The following PLXNC1 variants were observed in gnomAD, a reference collection of about 807,000 sequenced individuals.
The protein encoded by PLXNC1 is plexin C1.
PLXNC1 carries 75 observed loss-of-function variants against 178.2 expected under a neutral mutation model. The ratio of observed to expected loss-of-function variants is 0.42; its 90% CI spans 0.35 to 0.51. The LOEUF is 0.51. Ranked by LOEUF, PLXNC1 falls within the 20% of genes least tolerant of loss-of-function variation. The pLI is 0.02. For synonymous variants in PLXNC1, 790 were observed against 779.9 expected, an observed-to-expected ratio of 1.01 and a Z score of -0.22; for missense variants, 1,503 against 1,984.4, an observed-to-expected ratio of 0.76 and a Z score of 4.61.
At chr12:94,255,374 G>A (rs1964811627) in intron 17 of PLXNC1, 78 bp downstream of exon 17, 2 of 1,001,180 alleles carry the variant, frequency 2.0e-6, no homozygotes, top group South Asian at 2.6e-5. Context: ...GTCAAAACGA[G>A]TGTTTGCTTC....
At chr12:94,174,734 G>C (rs1381377754) in intron 2 of PLXNC1, among the ~76,000 whole-genome samples, 1 of 152,232 alleles carries the variant, frequency 6.6e-6, no homozygotes, top group East Asian at 1.9e-4. Context: ...CGGAAGTGGT[G>C]GTGGTGGTGG....
At chr12:94,209,855 G>A (rs1041305953) in intron 5 of PLXNC1, 151 bp downstream of exon 5, 13 of 571,734 alleles carry the variant, frequency 2.3e-5, no homozygotes, top group African/African-American at 1.5e-4. Flanking sequence ...CGAATATTGA[G>A]TGCCCACCAG....
Position 94,227,236 on chromosome 12 carries a change from G to T in PLXNC1, c.1980+1G>T. 1 of 1,591,396 alleles carries T rather than the reference G, an allele frequency of 6.3e-7. No homozygotes were observed. The highest frequency in any genetic ancestry group is 8.6e-7 in the Non-Finnish European group (1 of 1,159,534). On this transcript the variant is annotated splice_donor_variant, in intron 9 of 30. Coordinates refer to ENST00000258526, the MANE Select transcript of PLXNC1 (RefSeq NM_005761.3). LOFTEE classifies it high-confidence loss of function. ...GAACAGAACCAACCAGGCTTTACAG[G>T]TCAGACCCTATTTTTGTGTGGTTGA...
chr12:94,214,180 G>T (rs1397146498), intron 5 of PLXNC1, among the ~76,000 whole-genome samples: 1 of 151,814 alleles, frequency 6.6e-6, no homozygotes, highest in Admixed American at 6.6e-5. Context: ...GAACCCCTGG[G>T]CTCAAAGGAT....
intron 21 of PLXNC1, among the ~76,000 whole-genome samples, chr12:94,266,712 A>G (rs1965264957): frequency 6.6e-6 from 1 of 152,182 alleles, no homozygotes; most frequent in Admixed American, 6.5e-5. Context: ...TTCTCCTCAC[A>G]TGTGAAATGG....
chr12:94,171,492 T>G (rs1961843107), intron 2 of PLXNC1, among the ~76,000 whole-genome samples: 1 of 152,120 alleles, frequency 6.6e-6, no homozygotes, highest in South Asian at 2.1e-4. Flanking sequence ...GATGAGGGAA[T>G]CGAGGCCCAG....
At chr12:94,268,900 T>C (rs928629366) in intron 21 of PLXNC1, among the ~76,000 whole-genome samples, 1 of 152,142 alleles carries the variant, frequency 6.6e-6, no homozygotes, top group Non-Finnish European at 1.5e-5. Flanking sequence ...CGGCCGATAA[T>C]AAGACCTATT....
At chr12:94,206,396 G>T (rs1963299921) in intron 4 of PLXNC1, among the ~76,000 whole-genome samples, 1 of 151,840 alleles carries the variant, frequency 6.6e-6, no homozygotes, top group Non-Finnish European at 1.5e-5. Context: ...AACAAGAACA[G>T]CTTTCTTAAA....
chr12:94,166,111 T>C (rs1450887346), intron 1 of PLXNC1, among the ~76,000 whole-genome samples: 3 of 152,100 alleles, frequency 2.0e-5, no homozygotes, highest in African/African-American at 7.2e-5. Flanking sequence ...CTTGGGTTCA[T>C]TGCTGTCTGA....
chr12:94,272,751 C>T lies in PLXNC1; in HGVS notation c.3598-6721C>T, dbSNP rs981523281. On this transcript the variant is annotated intron_variant, in intron 21 of 30. Coordinates refer to ENST00000258526, the MANE Select transcript of PLXNC1 (RefSeq NM_005761.3). ...CAGCAGCAGAGGCTGGGAAATGTCACCTTTATTCTGGGTGAACAGAAGCTC... is the reference window on the plus strand; with the variant it reads ...CAGCAGCAGAGGCTGGGAAATGTCATCTTTATTCTGGGTGAACAGAAGCTC... Among the ~76,000 whole-genome samples, 7 of 152,214 alleles carry T rather than the reference C, an allele frequency of 4.6e-5. 1 individual carries two copies. The highest frequency in any genetic ancestry group is 7.2e-5 in the African/African-American group (3 of 41,450).
chr12:94,300,399 A>C (rs1013777966), intron 27 of PLXNC1, among the ~76,000 whole-genome samples: 8 of 152,166 alleles, frequency 5.3e-5, no homozygotes, highest in African/African-American at 1.9e-4. Context: ...ACAAGTTGTG[A>C]GGCACGTGCT....
At chr12:94,284,316 T>C (rs146315876) in intron 23 of PLXNC1, among the ~76,000 whole-genome samples, 1 of 152,246 alleles carries the variant, frequency 6.6e-6, no homozygotes, top group East Asian at 1.9e-4. Context: ...GGGCTGTTGT[T>C]GTCTTTGTTT....
Position 94,224,315 on chromosome 12 carries a change from A to G in PLXNC1, c.1790A>G (p.Glu597Gly). 1 of 1,447,458 alleles carries G rather than the reference A, an allele frequency of 6.9e-7. No homozygotes were observed. Among genetic ancestry groups the G allele is most frequent in the South Asian group, 1.1e-5 (1 of 87,546 alleles). 89.7% of individuals were successfully genotyped at this position (1,447,458 alleles called of 1,614,324 possible). A position where few individuals can be genotyped will look rare whatever the true frequency, so the allele number is the denominator to read the frequency against. ...FNFTNCSSLK[E>G]CPACVETGCA... is the part of the protein sequence containing the mutation. ...TTTACCAACTGCTCATCATTAAAAG[A>G]GTAAGATTTTATTTGAAATTTGAAT... Residue 597 changes from glutamate to glycine, a missense_variant and splice_region_variant, in exon 7 of 31, where the codon GAA (glutamate) becomes GGA (glycine). Coordinates refer to ENST00000258526, the MANE Select transcript of PLXNC1 (RefSeq NM_005761.3).
intron 4 of PLXNC1, among the ~76,000 whole-genome samples, chr12:94,201,969 G>C (rs1444909271): frequency 3.3e-5 from 5 of 151,678 alleles, no homozygotes; most frequent in African/African-American, 1.2e-4. Flanking sequence ...GGTTTCACCA[G>C]GTTGGCCAGG....
intron 5 of PLXNC1, among the ~76,000 whole-genome samples, chr12:94,215,556 T>TGATAGATAGATAGATAGATA (rs3032367): frequency 1.4e-4 from 21 of 149,334 alleles, no homozygotes; most frequent in South Asian, 2.1e-4. Context: ...CAAACATAGA[T>TGATAGATAGATAGATAGATA]GATAGATAGA....
intron 9 of PLXNC1, among the ~76,000 whole-genome samples, chr12:94,231,093 G>T (rs1025193533): frequency 1.3e-5 from 2 of 152,070 alleles, no homozygotes; most frequent in African/African-American, 4.8e-5. Context: ...CTCTGTGCCC[G>T]GGGCTTTGTC....
In PLXNC1 at chr12:94,307,400, A is replaced by AATC. The variant is rs1247885685; in HGVS notation, c.*2117_*2119dup. The AATC allele has an allele frequency of 6.6e-6, 1 of 152,216 alleles. No individual in the cohort carries two copies. The highest frequency in any genetic ancestry group is 3.2e-3 in the Middle Eastern group (1 of 316). The allele number at this position is 152,216 out of a possible 1,614,324, so 9.4% of individuals were successfully genotyped here. A position where few individuals can be genotyped will look rare whatever the true frequency, so the allele number is the denominator to read the frequency against. On this transcript the variant is annotated 3_prime_UTR_variant, in exon 31 of 31. Transcript: ENST00000258526. ...GCCAAATTAGATGTGTGCTGAAGAC[A>AATC]ATCAGTCACTGGGTCTATATTAAAC...
chr12:94,285,751 T>C (rs1051477852), intron 23 of PLXNC1, among the ~76,000 whole-genome samples: 4 of 152,130 alleles, frequency 2.6e-5, no homozygotes, highest in Non-Finnish European at 2.9e-5. Flanking sequence ...TTCAGGGTTC[T>C]AGACCTGCAA....
At chr12:94,270,976 C>T (rs972453672) in intron 21 of PLXNC1, among the ~76,000 whole-genome samples, 3 of 152,094 alleles carry the variant, frequency 2.0e-5, no homozygotes, top group Non-Finnish European at 4.4e-5. Context: ...GCTGCTGACT[C>T]TGGCTTGGAA....
Sources: allele counts gnomAD v4.1 joint callset (sites outside exome capture counted in the v4.1 genomes callset), GRCh38; gene constraint gnomAD v4.1.1; transcripts MANE v1.5; gene names NCBI Gene and HGNC (gene_info 2026-07-23, HGNC 2026-07-21).